MACROH2A1: variants seen among roughly 807,000 people sequenced by gnomAD.
MACROH2A1 encodes macroH2A.1 histone.
Under a neutral mutation model 31.6 loss-of-function variants are expected in MACROH2A1, and 2 were observed. That is an observed-to-expected ratio of 0.06 (90% CI 0.03 to 0.20). MACROH2A1 has a LOEUF of 0.20. Ranked by LOEUF, MACROH2A1 falls within the 10% of genes least tolerant of loss-of-function variation. The probability of loss-of-function intolerance (pLI) is 1.00; values close to 1 mark genes in which losing one functional copy is unlikely to be tolerated. For synonymous variants in MACROH2A1, 169 were observed against 189.6 expected, an observed-to-expected ratio of 0.89 and a Z score of 0.89; for missense variants, 230 against 474.0, an observed-to-expected ratio of 0.49 and a Z score of 4.78.
At chr5:135,340,458 C>T (rs1269590884) in intron 8 of MACROH2A1, among the ~76,000 whole-genome samples, 1 of 152,136 alleles carries the variant, frequency 6.6e-6, no homozygotes, top group African/African-American at 2.4e-5. Context: ...TATGTACTAC[C>T]CCTCTGGAGA....
chr5:135,389,096 C>A lies in MACROH2A1; in HGVS notation c.-3G>T. 6.2e-7 allele frequency: 1 copy of A among 1,611,486 alleles called. No individual in the cohort carries two copies. Among genetic ancestry groups the A allele is most frequent in the Non-Finnish European group, 8.5e-7 (1 of 1,178,058 alleles). Reference sequence around the variant, plus strand: ...TTCTTCCCACCGCGGCTCGACATGGCGGTGGCCCTGGAGGCGGATCAGTGA... The same window carrying A: ...TTCTTCCCACCGCGGCTCGACATGGAGGTGGCCCTGGAGGCGGATCAGTGA... On this transcript the variant is annotated 5_prime_UTR_variant, in exon 2 of 9. Transcript: ENST00000511689.
chr5:135,343,230 G>C, intron 8 of MACROH2A1, 30 bp downstream of exon 8: 2 of 1,612,438 alleles, frequency 1.2e-6, no homozygotes, highest in Non-Finnish European at 1.7e-6. Flanking sequence ...ACACACCCAT[G>C]ACCGATACGT....
At chr5:135,362,452 G>A (rs1762957234) in intron 4 of MACROH2A1, 1 of 152,186 alleles carries the variant, frequency 6.6e-6, no homozygotes, top group Non-Finnish European at 1.5e-5. Context: ...GAGTTCAGAG[G>A]ACTGAATGAT....
chr5:135,358,365 T>C, intron 5 of MACROH2A1: 1 of 985,456 alleles, frequency 1.0e-6, no homozygotes, highest in Non-Finnish European at 1.2e-6. Context: ...GAGTTTATTC[T>C]GCTAAACAGT....
At chr5:135,384,146 C>T (rs949844418) in intron 2 of MACROH2A1, among the ~76,000 whole-genome samples, 23 of 152,140 alleles carry the variant, frequency 1.5e-4, no homozygotes, top group African/African-American at 5.6e-4. Flanking sequence ...TCAGAAATGC[C>T]AAGTGAGGTG....
At chr5:135,359,350 C>T (rs1340449649) in intron 5 of MACROH2A1, 2 of 984,516 alleles carry the variant, frequency 2.0e-6, no homozygotes, top group Non-Finnish European at 2.4e-6. Context: ...AGGCAGTTGT[C>T]TTCACTGCTG....
chr5:135,355,451 T>C, intron 5 of MACROH2A1: 1 of 351,912 alleles, frequency 2.8e-6, no homozygotes, highest in South Asian at 2.2e-5. Context: ...CCAACTATGC[T>C]CTGCTATGCA....
intron 1 of MACROH2A1, among the ~76,000 whole-genome samples, chr5:135,389,988 T>C (rs1381795798): frequency 1.3e-5 from 2 of 152,220 alleles, no homozygotes; most frequent in South Asian, 4.1e-4. Context: ...ACAATTCTCA[T>C]GATAGAACCA....
intron 6 of MACROH2A1, among the ~76,000 whole-genome samples, chr5:135,351,940 C>A (rs183261581): frequency 2.0e-5 from 3 of 149,280 alleles, no homozygotes; most frequent in Admixed American, 2.0e-4. Flanking sequence ...TTTTAAGTAT[C>A]TGTATAAGGC....
intron 5 of MACROH2A1, chr5:135,358,232 G>T (rs1314030824): frequency 1.5e-5 from 15 of 985,200 alleles, no homozygotes; most frequent in Non-Finnish European, 1.8e-5. Flanking sequence ...ATGCTCTAAT[G>T]TATCAATGCT....
chr5:135,369,689 G>T lies in MACROH2A1; in HGVS notation c.280-86C>A. On this transcript the variant is annotated intron_variant, in intron 3 of 8. Transcript: ENST00000511689. This position sits in a 1 kb window ranked among gnomAD's most constrained non-coding sequence, Gnocchi z 4.3. The stretch of plus-strand genomic sequence containing the variant: ...AGCCAGCCCTGCCCAGGACAGTCTT[G>T]CTTTGGGTTGGTGCAGCTCCTTCCT... 9.0e-6 allele frequency: 10 copies of T among 1,114,946 alleles called. No individual in the cohort carries two copies. Among genetic ancestry groups the T allele is most frequent in the Non-Finnish European group, 1.3e-5 (10 of 744,014 alleles). 69.1% of individuals were successfully genotyped at this position (1,114,946 alleles called of 1,614,324 possible). A position where few individuals can be genotyped will look rare whatever the true frequency, so the allele number is the denominator to read the frequency against.
At position 135,369,989 on chromosome 5, in the gene MACROH2A1, T is replaced by G. The variant is rs1489351511; in HGVS notation, c.279+47A>C. On this transcript the variant is annotated intron_variant, in intron 3 of 8. Transcript: ENST00000511689. The surrounding 1 kb of genome is among the most constrained non-coding windows in gnomAD (Gnocchi z 4.3). ...CCTCTCAGCTATGTTTCTTGGGCAG[T>G]ATGACCACCTGCTCAAACATCAGTG... 8.1e-7 allele frequency: 1 copy of G among 1,236,708 alleles called. No homozygotes were observed. Among genetic ancestry groups the G allele is most frequent in the Non-Finnish European group, 1.2e-6 (1 of 843,034 alleles). The allele number at this position is 1,236,708 out of a possible 1,614,324, so 76.6% of individuals were successfully genotyped here.
intron 1 of MACROH2A1, among the ~76,000 whole-genome samples, chr5:135,392,468 T>A (rs913501999): frequency 6.6e-6 from 1 of 152,234 alleles, no homozygotes; most frequent in African/African-American, 2.4e-5. Flanking sequence ...ATGTTCTTCC[T>A]GCACTTCTAA....
chr5:135,389,604 C>CAGGA, intron 1 of MACROH2A1, among the ~76,000 whole-genome samples: 2 of 152,304 alleles, frequency 1.3e-5, no homozygotes, highest in Middle Eastern at 3.4e-3. Flanking sequence ...GAACAGCTTA[C>CAGGA]AGGAGTCAGT....
intron 2 of MACROH2A1, among the ~76,000 whole-genome samples, chr5:135,379,473 G>T (rs1765359510): frequency 6.6e-6 from 1 of 152,194 alleles, no homozygotes; most frequent in Admixed American, 6.5e-5. Context: ...ACCAGAACTG[G>T]AAGAGGGTGG....
At chr5:135,383,676 T>A (rs951723563) in intron 2 of MACROH2A1, among the ~76,000 whole-genome samples, 3 of 150,344 alleles carry the variant, frequency 2.0e-5, no homozygotes, top group African/African-American at 7.5e-5. Context: ...TTCTTAATTG[T>A]CCCTTTCCTG....
chr5:135,376,277 C>T (rs1053023431), intron 2 of MACROH2A1, among the ~76,000 whole-genome samples: 7 of 152,180 alleles, frequency 4.6e-5, no homozygotes, highest in African/African-American at 1.4e-4. Context: ...GTCTCAGAGA[C>T]AGCATTTGGT....
rs1183710066 is a variant in MACROH2A1, at chr5:135,334,663, G to A, written c.*313C>T. On this transcript the variant is annotated 3_prime_UTR_variant, in exon 9 of 9. Transcript: ENST00000511689. The stretch of plus-strand genomic sequence containing the variant: ...CTGGCTTCGGTGACAGGTAAAAGAC[G>A]CTGTTCTCCCCACTGCTGTGCGTCA... 4.2e-6 allele frequency: 1 copy of A among 236,158 alleles called. No homozygotes were observed. Among genetic ancestry groups the A allele is most frequent in the African/African-American group, 2.3e-5 (1 of 43,874 alleles). The allele number at this position is 236,158 out of a possible 1,614,324, so 14.6% of individuals were successfully genotyped here.
At chr5:135,359,607 C>A (rs973878411) in intron 5 of MACROH2A1, 1 of 984,504 alleles carries the variant, frequency 1.0e-6, no homozygotes, top group Non-Finnish European at 1.2e-6. Context: ...CTTGCAATGA[C>A]GTGAGCGAGG....
Sources: gnomAD v4.1 joint callset for allele counts (sites outside exome capture counted in the v4.1 genomes callset) on GRCh38, gnomAD v4.1.1 for gene constraint, Gnocchi (gnomAD v3.1) non-coding constraint, MANE v1.5 for transcripts, NCBI Gene and HGNC (gene_info 2026-07-23, HGNC 2026-07-21) for gene names.